The following SP4 variants were observed in gnomAD, a reference collection of about 807,000 sequenced individuals.
SP4 encodes the protein transcription factor Sp4.
Under a neutral mutation model 72.8 loss-of-function variants are expected in SP4, and 19 were observed. The ratio of observed to expected loss-of-function variants is 0.26; its 90% CI spans 0.18 to 0.38. SP4 has a LOEUF of 0.38. SP4 is among the 10% of genes least tolerant of loss of function. The pLI, the probability that SP4 is intolerant of heterozygous loss-of-function variation, is 1.00. For missense variants in SP4, 1,008 were observed against 926.3 expected, an observed-to-expected ratio of 1.09 and a Z score of -1.14; for synonymous variants, 395 against 333.1, an observed-to-expected ratio of 1.19 and a Z score of -2.02.
At chr7:21,468,596 G>T (rs1784239053) in intron 3 of SP4, among the ~76,000 whole-genome samples, 1 of 149,334 alleles carries the variant, frequency 6.7e-6, no homozygotes, top group African/African-American at 2.5e-5. Context: ...TCTTGTATTT[G>T]GCCATCTCGC....
chr7:21,457,840 C>T (rs74972142), intron 3 of SP4, among the ~76,000 whole-genome samples: 3,347 of 151,778 alleles, frequency 0.022, 59 homozygotes, highest in Non-Finnish European at 0.03. Flanking sequence ...TTGGCCAAGA[C>T]GGGAGTGCAG....
intron 5 of SP4, among the ~76,000 whole-genome samples, chr7:21,503,087 T>G (rs1394790847): frequency 1.3e-5 from 2 of 152,110 alleles, no homozygotes; most frequent in African/African-American, 4.8e-5. Context: ...GATAGGGACC[T>G]TCCCAGCTTG....
Position 21,512,975 on chromosome 7 carries a change from A to T in SP4, c.*1706A>T, listed in dbSNP as rs1782187463. Reference sequence around the variant, plus strand: ...TATTTTATGTTTTAAAAAAGTATTTACACAGAATCATAATCAGTGAAATTG... The same window carrying T: ...TATTTTATGTTTTAAAAAAGTATTTTCACAGAATCATAATCAGTGAAATTG... On this transcript the variant is annotated 3_prime_UTR_variant, in exon 6 of 6. Transcript: ENST00000222584. 6.5e-6 allele frequency: 1 copy of T among 152,686 alleles called. No individual in the cohort carries two copies. 9.5% of individuals were successfully genotyped at this position (152,686 alleles called of 1,614,324 possible).
At chr7:21,496,160 C>A (rs949529023) in intron 5 of SP4, among the ~76,000 whole-genome samples, 1 of 152,098 alleles carries the variant, frequency 6.6e-6, no homozygotes. Flanking sequence ...AGCAACTCTT[C>A]TGTGTGTTTA....
intron 3 of SP4, among the ~76,000 whole-genome samples, chr7:21,460,436 G>C (rs1783922550): frequency 6.6e-6 from 1 of 151,886 alleles, no homozygotes; most frequent in South Asian, 2.1e-4. Context: ...TGAAGCTGCA[G>C]ACCTTCGCGG....
At chr7:21,492,270 C>A (rs894363041) in intron 5 of SP4, among the ~76,000 whole-genome samples, 1 of 152,122 alleles carries the variant, frequency 6.6e-6, no homozygotes, top group Admixed American at 6.5e-5. Context: ...GGTGGAGATA[C>A]TCCCCTAAAT....
chr7:21,493,826 T>C (rs9691700), intron 5 of SP4, among the ~76,000 whole-genome samples: 3,892 of 152,310 alleles, frequency 0.026, 69 homozygotes, highest in African/African-American at 0.044. Context: ...TCTCAACTTA[T>C]TCTATGAGGC....
chr7:21,428,520 C>G (rs1257259211), intron 1 of SP4, among the ~76,000 whole-genome samples, 157 bp from the exon 2 acceptor site: 5 of 152,182 alleles, frequency 3.3e-5, no homozygotes, highest in African/African-American at 1.2e-4. Context: ...CTCCTCCCTT[C>G]CCTCCTTCTC....
chr7:21,504,699 A>G (rs1222152106), intron 5 of SP4, among the ~76,000 whole-genome samples: 2 of 152,290 alleles, frequency 1.3e-5, no homozygotes, highest in Middle Eastern at 3.4e-3. Flanking sequence ...TTTTTTCTTA[A>G]TAATATGGCT....
Position 21,513,187 on chromosome 7 carries a change from T to A in SP4, c.*1918T>A, listed in dbSNP as rs1320071255. ...TTTTGATGAAGGAGAAATACTGTAA[T>A]GATCACTGTTTACACTATGTACACT... On this transcript the variant is annotated 3_prime_UTR_variant, in exon 6 of 6. Transcript: ENST00000222584. 6.6e-6 allele frequency: 1 copy of A among 152,626 alleles called. No individual in the cohort carries two copies. The highest frequency in any genetic ancestry group is 1.5e-5 in the Non-Finnish European group (1 of 68,026). 9.5% of individuals were successfully genotyped at this position (152,626 alleles called of 1,614,324 possible). A position where few individuals can be genotyped will look rare whatever the true frequency, so the allele number is the denominator to read the frequency against.
intron 5 of SP4, among the ~76,000 whole-genome samples, chr7:21,503,202 A>T (rs1781912341): frequency 6.6e-6 from 1 of 152,110 alleles, no homozygotes; most frequent in Non-Finnish European, 1.5e-5. Context: ...AAGTCGTTTT[A>T]ACCTAAGGGA....
intron 5 of SP4, among the ~76,000 whole-genome samples, chr7:21,494,961 C>T (rs906829996): frequency 4.6e-5 from 7 of 152,110 alleles, no homozygotes; most frequent in Non-Finnish European, 1.5e-5. Flanking sequence ...TTCCCCTCCA[C>T]ACACAGGGTG....
In SP4 at chr7:21,430,857, T is replaced by C; in HGVS notation, c.1678+14T>C. ...CTAGTGTTGCAGGTAAGTTCTGACA[T>C]CTTTTTAAGTACCTTTTAAATAGTT... On this transcript the variant is annotated intron_variant, in intron 3 of 5. Transcript: ENST00000222584. The C allele has an allele frequency of 1.3e-6, 2 of 1,543,356 alleles. No homozygotes were observed. The highest frequency in any genetic ancestry group is 1.8e-6 in the Non-Finnish European group (2 of 1,129,320).
At chr7:21,432,748 C>G (rs999094012) in intron 3 of SP4, among the ~76,000 whole-genome samples, 1 of 151,992 alleles carries the variant, frequency 6.6e-6, no homozygotes, top group Admixed American at 6.6e-5. Context: ...AATCCCAACA[C>G]TTTGGGAGGC....
intron 4 of SP4, among the ~76,000 whole-genome samples, 153 bp from the exon 5 acceptor site, chr7:21,481,771 T>TGTAGTTCAAATCA (rs1784695532): frequency 1.3e-5 from 2 of 152,220 alleles, no homozygotes; most frequent in African/African-American, 4.8e-5. Flanking sequence ...TGTCTTTAAC[T>TGTAGTTCAAATCA]GAAAATTTTC....
At chr7:21,467,667 A>T (rs1028375583) in intron 3 of SP4, among the ~76,000 whole-genome samples, 4 of 152,174 alleles carry the variant, frequency 2.6e-5, no homozygotes, top group Non-Finnish European at 4.4e-5. Flanking sequence ...ATGTTAGGAG[A>T]CATATTTTTT....
chr7:21,487,890 C>T (rs1489240600), intron 5 of SP4, among the ~76,000 whole-genome samples: 2 of 151,820 alleles, frequency 1.3e-5, no homozygotes, highest in Non-Finnish European at 2.9e-5. Flanking sequence ...GAGACAGGGT[C>T]TCTGTCTGTC....
In SP4 at chr7:21,477,083, G is replaced by A. The variant is rs1413998801; in HGVS notation, c.1683G>A (p.Gln561=). Residue 561 remains glutamine (Q), a synonymous_variant, in exon 4 of 6, where the codon CAG becomes CAA. Coordinates refer to ENST00000222584, the MANE Select transcript of SP4 (RefSeq NM_003112.5). The stretch of plus-strand genomic sequence containing the variant: ...CTTTTTTTTCTTCCTTTTTAGGTCA[G>A]CAGCAAGGACAAGATGGAGTAAAAG... ...VPVTITSVAG[Q]QQGQDGVKVQ... The A allele has an allele frequency of 6.2e-7, 1 of 1,610,912 alleles. No individual in the cohort carries two copies. Among genetic ancestry groups the A allele is most frequent in the East Asian group, 2.2e-5 (1 of 44,820 alleles).
chr7:21,435,691 GT>G (rs1430716463), intron 3 of SP4, among the ~76,000 whole-genome samples: 1 of 152,060 alleles, frequency 6.6e-6, no homozygotes, highest in Non-Finnish European at 1.5e-5. Context: ...AATACTGTTT[GT>G]TATAGATTGG....
Sources: allele counts gnomAD v4.1 joint callset (sites outside exome capture counted in the v4.1 genomes callset), GRCh38; gene constraint gnomAD v4.1.1; transcripts MANE v1.5; gene names NCBI Gene and HGNC (gene_info 2026-07-23, HGNC 2026-07-21).